SH2D7: variants seen among roughly 807,000 people sequenced by gnomAD.
SH2D7 encodes the protein SH2 domain containing 7.
A neutral mutation model predicts 40.8 loss-of-function variants in SH2D7; 32 were observed. The observed-to-expected ratio is 0.78, with a 90% CI of 0.59 to 1.05. The LOEUF (loss-of-function observed/expected upper bound fraction) is 1.05. SH2D7 is among the 50% of genes least tolerant of loss of function. SH2D7 has a pLI of 0.00. For missense variants in SH2D7, 559 were observed against 566.6 expected (o/e 0.99, Z 0.14); for synonymous variants, 195 against 221.5 (o/e 0.88, Z 1.06).
chr15:78,098,759 C>T (rs2073993149), intron 4 of SH2D7, among the ~76,000 whole-genome samples, 163 bp downstream of exon 4: 1 of 152,230 alleles, frequency 6.6e-6, no homozygotes, highest in African/African-American at 2.4e-5. Context: ...CCAGGGTTCA[C>T]CCGTGCCATG....
chr15:78,097,853 C>A (rs534543126), intron 2 of SH2D7, 76 bp from the exon 3 acceptor site: 3 of 1,551,524 alleles, frequency 1.9e-6, no homozygotes, highest in Admixed American at 3.8e-5. Context: ...TGCACCCAGG[C>A]ACAGAGCTCA....
intron 2 of SH2D7, among the ~76,000 whole-genome samples, chr15:78,096,088 C>G (rs2073970756): frequency 6.6e-6 from 1 of 152,124 alleles, no homozygotes; most frequent in Admixed American, 6.6e-5. Flanking sequence ...GGTGATCCAC[C>G]TGCCTCAGCC....
intron 1 of SH2D7, among the ~76,000 whole-genome samples, 200 bp from the exon 2 acceptor site, chr15:78,093,912 T>C (rs191171794): frequency 3.9e-5 from 6 of 152,274 alleles, no homozygotes; most frequent in Admixed American, 1.3e-4. Flanking sequence ...TTGAACTTAA[T>C]CATTTGGGCT....
chr15:78,097,188 G>C (rs540725875), intron 2 of SH2D7, among the ~76,000 whole-genome samples: 1 of 152,208 alleles, frequency 6.6e-6, no homozygotes, highest in Non-Finnish European at 1.5e-5. Flanking sequence ...GATAGGCGTC[G>C]GAATGGTGGC....
intron 2 of SH2D7, among the ~76,000 whole-genome samples, chr15:78,095,967 C>T (rs949824862): frequency 6.6e-6 from 1 of 152,054 alleles, no homozygotes; most frequent in Non-Finnish European, 1.5e-5. Context: ...CTCAGCCTCC[C>T]AACTAGCTGG....
chr15:78,099,856 T>C (rs978346515), intron 4 of SH2D7, among the ~76,000 whole-genome samples: 1 of 152,142 alleles, frequency 6.6e-6, no homozygotes, highest in Non-Finnish European at 1.5e-5. Context: ...GCACTGGCTC[T>C]ACCATCTGCC....
At chr15:78,097,025 A>G (rs1296741212) in intron 2 of SH2D7, among the ~76,000 whole-genome samples, 1 of 152,230 alleles carries the variant, frequency 6.6e-6, no homozygotes, top group African/African-American at 2.4e-5. Context: ...TGGATTTTTC[A>G]TTAACTAGAA....
At chr15:78,094,264 G>A in intron 2 of SH2D7, 63 bp downstream of exon 2, 1 of 1,519,302 alleles carries the variant, frequency 6.6e-7, no homozygotes. Flanking sequence ...TTGCAGATTA[G>A]TGCAGAGGCC....
At chr15:78,100,610 T>C (rs186700006) in intron 4 of SH2D7, among the ~76,000 whole-genome samples, 5 of 152,202 alleles carry the variant, frequency 3.3e-5, no homozygotes, top group Non-Finnish European at 7.4e-5. Context: ...GGCAGGAGAA[T>C]AGCTTGAACC....
chr15:78,100,978 T>C lies in SH2D7; in HGVS notation c.725T>C (p.Ile242Thr), dbSNP rs747077799. ...EESFGGPSDIIYADLRRMNQA... is the reference protein window; with the variant it reads ...EESFGGPSDITYADLRRMNQA... ...TCTTTTGGAGGCCCCAGTGACATCA[T>C]CTATGCAGACCTGAGGAGGATGAAC... Residue 242 changes from isoleucine to threonine, a missense_variant, in exon 5 of 6, where the codon ATC (isoleucine) becomes ACC (threonine). Coordinates refer to ENST00000328828, the MANE Select transcript of SH2D7 (RefSeq NM_001101404.2). The C allele has an allele frequency of 2.5e-6, 4 of 1,613,930 alleles. No individual in the cohort carries two copies. Among genetic ancestry groups the C allele is most frequent in the South Asian group, 1.1e-5 (1 of 91,086 alleles).
At position 78,103,450 on chromosome 15, in the gene SH2D7, C is replaced by T; in HGVS notation, c.1306-15C>T. 1.3e-6 allele frequency: 2 copies of T among 1,555,310 alleles called. No homozygotes were observed. The highest frequency in any genetic ancestry group is 1.7e-6 in the Non-Finnish European group (2 of 1,148,810). On this transcript the variant is annotated splice_polypyrimidine_tract_variant and intron_variant, in intron 5 of 5. Coordinates refer to ENST00000328828, the MANE Select transcript of SH2D7 (RefSeq NM_001101404.2). ...CCAGCGACCCCAGGCCCCAGTATCT[C>T]CTCCTTCCTTGCAGCCTGACAAGCT... is the stretch of plus-strand genomic sequence containing the variant.
chr15:78,091,742 G>A (rs548832016), upstream of SH2D7, among the ~76,000 whole-genome samples: 21 of 152,234 alleles, frequency 1.4e-4, no homozygotes, highest in South Asian at 3.9e-3. Context: ...CTGTTAAAAC[G>A]ACATGAGCTT....
rs1242866876 is a variant in SH2D7, at chr15:78,101,494, A to T, written c.1241A>T (p.Glu414Val). The T allele has an allele frequency of 1.2e-6, 2 of 1,613,522 alleles. No individual in the cohort carries two copies. The highest frequency in any genetic ancestry group is 2.2e-5 in the South Asian group (2 of 91,048). ...ATCTCAGGGACCCCAGAGCTCTCAG[A>T]GCCTGGGAACACCTATGAACAGATC... ...KRISGTPELS[E>V]PGNTYEQIPA... is the part of the protein sequence containing the mutation. Residue 414 changes from glutamate to valine, a missense_variant, in exon 5 of 6, where the codon GAG becomes GTG. Transcript: ENST00000328828.
chr15:78,094,300 C>T, intron 2 of SH2D7, 99 bp downstream of exon 2: 1 of 1,147,112 alleles, frequency 8.7e-7, no homozygotes. Context: ...GCCTAGATTT[C>T]CCTGGGTCCT....
chr15:78,092,188 A>C (rs1386400781), upstream of SH2D7, among the ~76,000 whole-genome samples: 1 of 152,252 alleles, frequency 6.6e-6, no homozygotes, highest in Admixed American at 6.5e-5. Flanking sequence ...CGAAGGAAGG[A>C]TACCTAGAAT....
intron 1 of SH2D7, 137 bp from the exon 2 acceptor site, chr15:78,093,975 G>T: frequency 1.4e-6 from 1 of 740,352 alleles, no homozygotes. Context: ...CCACAGGTCT[G>T]AGTGGCTCCT....
rs775665882 is a variant in SH2D7, at chr15:78,098,491, G to A, written c.540G>A (p.Lys180=). The change falls in exon 4 of 6, where the codon AAG becomes AAA. Residue 180 remains lysine, a synonymous_variant. Coordinates refer to ENST00000328828, the MANE Select transcript of SH2D7 (RefSeq NM_001101404.2). ...CATTCCTCACAGTGGTCCCCGACAAGGCCGCCAGCCCCCGCTCTTCTCCAA... is the reference window on the plus strand; with the variant it reads ...CATTCCTCACAGTGGTCCCCGACAAAGCCGCCAGCCCCCGCTCTTCTCCAA... ...ATAFLTVVPD[K]AASPRSSPKP... 1.2e-6 allele frequency: 2 copies of A among 1,614,004 alleles called. No individual in the cohort carries two copies. Among genetic ancestry groups the A allele is most frequent in the African/African-American group, 1.3e-5 (1 of 75,034 alleles).
At chr15:78,100,695 T>C (rs1273476459) in intron 4 of SH2D7, among the ~76,000 whole-genome samples, 1 of 151,934 alleles carries the variant, frequency 6.6e-6, no homozygotes, top group Non-Finnish European at 1.5e-5. Context: ...AGACTCCATC[T>C]CAAAAAACAA....
At chr15:78,102,881 C>T (rs1050788589) in intron 5 of SH2D7, among the ~76,000 whole-genome samples, 18 of 152,266 alleles carry the variant, frequency 1.2e-4, no homozygotes, top group African/African-American at 2.9e-4. Context: ...GTCAGGCACA[C>T]GCGGATCTTC....
Sources: gnomAD v4.1 joint callset for allele counts (sites outside exome capture counted in the v4.1 genomes callset) on GRCh38, gnomAD v4.1.1 for gene constraint, MANE v1.5 for transcripts, NCBI Gene and HGNC (gene_info 2026-07-23, HGNC 2026-07-21) for gene names.